DYNC2H1: variants seen among roughly 807,000 people sequenced by gnomAD.
The protein encoded by DYNC2H1 is cytoplasmic dynein 2 heavy chain 1.
DYNC2H1 carries 410 observed loss-of-function variants against 570.0 expected under a neutral mutation model. The ratio of observed to expected loss-of-function variants is 0.72; its 90% confidence interval spans 0.66 to 0.78. DYNC2H1 has a LOEUF of 0.78. Among genes scored for constraint, DYNC2H1 ranks in the 30% least tolerant of loss-of-function variants. The probability of loss-of-function intolerance (pLI) is 0.00; values close to 1 mark genes in which losing one functional copy is unlikely to be tolerated. For synonymous variants in DYNC2H1, 1,688 were observed against 1,677.6 expected, an observed-to-expected ratio of 1.01 and a Z score of -0.15; for missense variants, 4,865 against 5,046.4, an observed-to-expected ratio of 0.96 and a Z score of 1.09.
At chr11:103,388,032 C>A (rs1217702511) in intron 83 of DYNC2H1, among the ~76,000 whole-genome samples, 1 of 152,060 alleles carries the variant, frequency 6.6e-6, no homozygotes, top group African/African-American at 2.4e-5. Context: ...TTTTCCAATT[C>A]TGTGAAGAAA....
chr11:103,339,421 G>A (rs1939325861), intron 82 of DYNC2H1, among the ~76,000 whole-genome samples: 1 of 152,160 alleles, frequency 6.6e-6, no homozygotes, highest in Non-Finnish European at 1.5e-5. Context: ...ATCCCACCAG[G>A]GTTGTAGATT....
chr11:103,195,740 C>G (rs1443334852), intron 47 of DYNC2H1, among the ~76,000 whole-genome samples: 1 of 152,152 alleles, frequency 6.6e-6, no homozygotes, highest in Non-Finnish European at 1.5e-5. Context: ...GAATTGACAT[C>G]TTTTCTCTGT....
At chr11:103,232,418 T>TGGTTTC (rs1467782724) in intron 60 of DYNC2H1, among the ~76,000 whole-genome samples, 3 of 151,966 alleles carry the variant, frequency 2.0e-5, no homozygotes, top group Non-Finnish European at 4.4e-5. Context: ...CTCTTAACCA[T>TGGTTTC]TGCACCATAC....
At chr11:103,433,801 A>G (rs1469634613) in intron 84 of DYNC2H1, among the ~76,000 whole-genome samples, 1 of 152,164 alleles carries the variant, frequency 6.6e-6, no homozygotes, top group Admixed American at 6.6e-5. Context: ...CTCAAAAATA[A>G]CCGCATAAAT....
rs78790148 is a variant in DYNC2H1 at position 103,307,544 on chromosome 11, T to C, written c.11383-177T>C. On this transcript the variant is annotated intron_variant, in intron 77 of 88. Coordinates refer to ENST00000375735, the MANE Select transcript of DYNC2H1 (RefSeq NM_001377.3). ...GACTTTAGATGGAGATTCTTATTCA[T>C]TACACTGAGCTAGTAATAGAAAAGA... 0.012 allele frequency among the ~76,000 whole-genome samples: 1,848 copies of C among 152,154 alleles called. 43 individuals are homozygous for C. The highest frequency in any genetic ancestry group is 0.042 in the African/African-American group (1,741 of 41,506).
intron 84 of DYNC2H1, among the ~76,000 whole-genome samples, chr11:103,400,745 TAAA>T (rs1942604341): frequency 1.3e-5 from 2 of 152,120 alleles, no homozygotes; most frequent in African/African-American, 4.8e-5. Context: ...TGTTTGAATA[TAAA>T]ATAATAGCCT....
Position 103,445,764 on chromosome 11 carries a change from G to A in DYNC2H1, c.12457-9422G>A, listed in dbSNP as rs555782055. ...CCTCCTGGGTTCACGCCATTCTCCT[G>A]CCTCAGCCTCCCTAGCAGCTGGGAC... On this transcript the variant is annotated intron_variant, in intron 85 of 88. Transcript: ENST00000375735. Among the ~76,000 whole-genome samples the A allele has an allele frequency of 3.9e-5, 6 of 152,258 alleles. No homozygotes were observed. In the East Asian group the frequency reaches 1.2e-3, roughly 29 times the overall value.
In DYNC2H1 at chr11:103,156,723, A is replaced by G. The variant is rs768344298; in HGVS notation, c.4080A>G (p.Ala1360=). ...VYLEPIFGRG[A]LPKEQTRFNR... ...TGGAACCCATTTTCGGCCGTGGAGC[A>G]TTGCCAAAAGAACAGACACGCTTCA... is the stretch of plus-strand genomic sequence containing the variant. The change falls in exon 26 of 89, where the codon GCA becomes GCG. Residue 1360 remains alanine (A), a synonymous_variant. Transcript: ENST00000375735. The G allele has an allele frequency of 8.7e-6, 14 of 1,613,256 alleles. No homozygotes were observed. Among genetic ancestry groups the G allele is most frequent in the Non-Finnish European group, 1.1e-5 (13 of 1,179,666 alleles).
intron 44 of DYNC2H1, among the ~76,000 whole-genome samples, chr11:103,188,886 G>A (rs1330739694): frequency 6.6e-6 from 1 of 152,030 alleles, no homozygotes; most frequent in African/African-American, 2.4e-5. Context: ...AAACTGTTTT[G>A]TGTAGTCTGT....
At chr11:103,431,469 A>T (rs1193994732) in intron 84 of DYNC2H1, among the ~76,000 whole-genome samples, 2 of 152,154 alleles carry the variant, frequency 1.3e-5, no homozygotes, top group East Asian at 3.8e-4. Flanking sequence ...ATTTTTGAAC[A>T]TGCTATTCTC....
intron 22 of DYNC2H1, among the ~76,000 whole-genome samples, chr11:103,153,956 T>C (rs1255333726): frequency 2.0e-5 from 3 of 151,982 alleles, no homozygotes; most frequent in Admixed American, 1.3e-4. Flanking sequence ...AGGTTTGTTC[T>C]ATTTAAGTAG....
At chr11:103,351,522 G>C (rs1477249519) in intron 82 of DYNC2H1, among the ~76,000 whole-genome samples, 1 of 152,108 alleles carries the variant, frequency 6.6e-6, no homozygotes, top group Admixed American at 6.5e-5. Context: ...TGCTAAGTTT[G>C]CTAGGGGTAA....
At chr11:103,453,639 TATAC>T (rs1198573826) in intron 85 of DYNC2H1, among the ~76,000 whole-genome samples, 1,749 of 103,272 alleles carry the variant, frequency 0.017, 15 homozygotes, top group Middle Eastern at 0.08. Context: ...TATATATATA[TATAC>T]ACACATTCAT....
chr11:103,287,369 A>G (rs533598691), intron 74 of DYNC2H1, among the ~76,000 whole-genome samples, 164 bp from the exon 75 acceptor site: 1 of 152,340 alleles, frequency 6.6e-6, no homozygotes, highest in Non-Finnish European at 1.5e-5. Context: ...TATACTTGCT[A>G]TATACCTATT....
intron 73 of DYNC2H1, among the ~76,000 whole-genome samples, chr11:103,285,877 CAA>C (rs1475397080): frequency 4.6e-5 from 7 of 152,152 alleles, no homozygotes; most frequent in Non-Finnish European, 1.0e-4. Context: ...GAAGTTTTGA[CAA>C]AGAGAGTCTT....
chr11:103,187,605 A>T lies in DYNC2H1; in HGVS notation c.7140+19A>T. 1 of 1,608,950 alleles carries T rather than the reference A, an allele frequency of 6.2e-7. No individual in the cohort carries two copies. The highest frequency in any genetic ancestry group is 1.7e-4 in the Middle Eastern group (1 of 5,908). ...ACAACAGGTAAGTCATATTGCTTGA[A>T]GTGTTTTAATCTAATTGGAAACAAT... On this transcript the variant is annotated intron_variant, in intron 43 of 88. Coordinates refer to ENST00000375735, the MANE Select transcript of DYNC2H1 (RefSeq NM_001377.3).
chr11:103,429,893 A>G (rs929878371), intron 84 of DYNC2H1, among the ~76,000 whole-genome samples: 5 of 152,158 alleles, frequency 3.3e-5, no homozygotes, highest in Non-Finnish European at 5.9e-5. Context: ...ACCTTGTGCA[A>G]CTGCTAGTGT....
At chr11:103,227,462 T>C (rs1038836060) in intron 59 of DYNC2H1, among the ~76,000 whole-genome samples, 3 of 152,180 alleles carry the variant, frequency 2.0e-5, no homozygotes, top group Admixed American at 2.0e-4. Context: ...AGGAGCAGGT[T>C]ATTTAATTTC....
rs1272350424 is a variant in DYNC2H1, at chr11:103,304,523, A to G, written c.11257-72A>G. On this transcript the variant is annotated intron_variant, in intron 76 of 88. Transcript: ENST00000375735. Reference sequence around the variant, plus strand: ...AAGGTTTAGGGATTACTATTATTGAATCTCATACTGTTATATTACAACATG... The same window carrying G: ...AAGGTTTAGGGATTACTATTATTGAGTCTCATACTGTTATATTACAACATG... The G allele has an allele frequency of 2.0e-6, 3 of 1,482,786 alleles. No individual in the cohort carries two copies. In the East Asian group the frequency reaches 7.1e-5, roughly 35 times the overall value. 91.9% of individuals were successfully genotyped at this position (1,482,786 alleles called of 1,614,324 possible). A position where few individuals can be genotyped will look rare whatever the true frequency, so the allele number is the denominator to read the frequency against.
Sources: gnomAD v4.1 joint callset for allele counts (sites outside exome capture counted in the v4.1 genomes callset) on GRCh38, gnomAD v4.1.1 for gene constraint, MANE v1.5 for transcripts, NCBI Gene and HGNC (gene_info 2026-07-23, HGNC 2026-07-21) for gene names.